The following FRAS1 variants were observed in gnomAD, a reference collection of about 807,000 sequenced individuals.
The protein encoded by FRAS1 is Fraser extracellular matrix complex subunit 1.
A neutral mutation model predicts 435.2 loss-of-function variants in FRAS1; 290 were observed. The ratio of observed to expected loss-of-function variants is 0.67; its 90% CI spans 0.61 to 0.73. The LOEUF is 0.73. Among genes scored for constraint, FRAS1 ranks in the 30% least tolerant of loss-of-function variants. The pLI is 0.00. For synonymous variants in FRAS1, 1,800 were observed against 1,851.0 expected (o/e 0.97, Z 0.71); for missense variants, 4,860 against 5,001.5 (o/e 0.97, Z 0.85).
intron 4 of FRAS1, among the ~76,000 whole-genome samples, chr4:78,248,650 C>T (rs1219872619): frequency 6.6e-6 from 1 of 152,126 alleles, no homozygotes; most frequent in Non-Finnish European, 1.5e-5. Context: ...TTATAATATG[C>T]ACTGAACATT....
chr4:78,541,393 CA>C lies in FRAS1; in HGVS notation c.*271del. On this transcript the variant is annotated 3_prime_UTR_variant, in exon 74 of 74. Transcript: ENST00000512123. Reference sequence around the variant, plus strand: ...CTTCTGTAAGGCTGGTCTTAGAAAACAAGTACTTTAGTATCAGGACAGGAGT... The same window carrying C: ...CTTCTGTAAGGCTGGTCTTAGAAAACAGTACTTTAGTATCAGGACAGGAGT... The C allele has an allele frequency of 3.4e-6, 1 of 290,568 alleles. No homozygotes were observed. Among genetic ancestry groups the C allele is most frequent in the East Asian group, 5.8e-5 (1 of 17,300 alleles). The allele number at this position is 290,568 out of a possible 1,614,324, so 18.0% of individuals were successfully genotyped here.
chr4:78,317,268 A>G lies in FRAS1; in HGVS notation c.1820-100A>G, dbSNP rs1384779894. On this transcript the variant is annotated intron_variant, in intron 16 of 73. Coordinates refer to ENST00000512123, the MANE Select transcript of FRAS1 (RefSeq NM_025074.7). ...TTCCCCTTGGTTTGGTGTGACATCC[A>G]CAGGGGACTAAGAGTCCCAGGCCCG... The G allele has an allele frequency of 3.7e-6, 5 of 1,345,344 alleles. No individual in the cohort carries two copies. In the Admixed American group the frequency reaches 5.2e-5, roughly 14 times the overall value. The allele number at this position is 1,345,344 out of a possible 1,614,324, so 83.3% of individuals were successfully genotyped here.
Position 78,369,973 on chromosome 4 carries a change from A to G in FRAS1, c.2858A>G (p.Asn953Ser), listed in dbSNP as rs761113193. Reference sequence around the variant, plus strand: ...CAGTACTATCTTGACTTCTCCACCAACACGTGCAAAGGTAAAGCTCTTCCT... The same window carrying G: ...CAGTACTATCTTGACTTCTCCACCAGCACGTGCAAAGGTAAAGCTCTTCCT... ...APQYYLDFST[N>S]TCKECDWSCS... The change falls in exon 23 of 74, where the codon AAC becomes AGC. Residue 953 changes from asparagine to serine, a missense_variant. Asn to Ser is a conservative substitution (Grantham distance 46). Transcript: ENST00000512123. 3 of 1,613,402 alleles carry G rather than the reference A, an allele frequency of 1.9e-6. No homozygotes were observed. Among genetic ancestry groups the G allele is most frequent in the East Asian group, 4.5e-5 (2 of 44,876 alleles).
At chr4:78,344,520 T>TCTGG (rs1228199465) in intron 20 of FRAS1, among the ~76,000 whole-genome samples, 3 of 150,516 alleles carry the variant, frequency 2.0e-5, no homozygotes, top group African/African-American at 7.3e-5. Context: ...GATTCCAGAG[T>TCTGG]ACTCAACCAT....
intron 20 of FRAS1, among the ~76,000 whole-genome samples, chr4:78,341,774 G>A (rs1181394221): frequency 6.6e-6 from 1 of 152,168 alleles, no homozygotes; most frequent in Non-Finnish European, 1.5e-5. Context: ...CTAGGAGGCA[G>A]TGAGGAAAAC....
chr4:78,388,341 A>AC (rs1732307970), intron 29 of FRAS1, among the ~76,000 whole-genome samples: 1 of 151,832 alleles, frequency 6.6e-6, no homozygotes, highest in African/African-American at 2.4e-5. Context: ...CAAAAAAAAA[A>AC]AAAAACAAAA....
At chr4:78,516,677 A>G (rs187621215) in intron 66 of FRAS1, among the ~76,000 whole-genome samples, 163 of 152,364 alleles carry the variant, frequency 1.1e-3, no homozygotes, top group Non-Finnish European at 1.9e-3. Flanking sequence ...ACTTATAATC[A>G]TAGTGAAAGG....
At chr4:78,178,351 T>C (rs1249187966) in intron 2 of FRAS1, among the ~76,000 whole-genome samples, 2 of 152,200 alleles carry the variant, frequency 1.3e-5, no homozygotes, top group Non-Finnish European at 2.9e-5. Context: ...CAAGATTCCA[T>C]GACATTCTAG....
intron 2 of FRAS1, among the ~76,000 whole-genome samples, chr4:78,202,584 G>A (rs992984368): frequency 6.6e-6 from 1 of 152,128 alleles, no homozygotes; most frequent in African/African-American, 2.4e-5. Flanking sequence ...CCAGCTACTC[G>A]GGAGGCTGAG....
intron 2 of FRAS1, among the ~76,000 whole-genome samples, chr4:78,201,537 C>T (rs1190843121): frequency 1.3e-5 from 2 of 152,142 alleles, no homozygotes; most frequent in East Asian, 3.8e-4. Context: ...TATGAGAGAC[C>T]TGTTGTCAAA....
chr4:78,378,076 G>A (rs759128505), intron 26 of FRAS1, among the ~76,000 whole-genome samples: 3 of 151,820 alleles, frequency 2.0e-5, no homozygotes, highest in Non-Finnish European at 2.9e-5. Context: ...GTTTCTCTCC[G>A]CTCCTGTCTC....
At chr4:78,144,205 C>A (rs1439220278) in intron 2 of FRAS1, among the ~76,000 whole-genome samples, 1 of 151,000 alleles carries the variant, frequency 6.6e-6, no homozygotes, top group African/African-American at 2.4e-5. Flanking sequence ...ATAAATGCAA[C>A]TCAGAGAAAA....
At chr4:78,399,776 C>G (rs532412120) in intron 29 of FRAS1, among the ~76,000 whole-genome samples, 1 of 152,302 alleles carries the variant, frequency 6.6e-6, no homozygotes, top group African/African-American at 2.4e-5. Context: ...CTCATAGGCC[C>G]TCATTTTCTC....
At chr4:78,206,943 C>A (rs188779277) in intron 2 of FRAS1, among the ~76,000 whole-genome samples, 9 of 152,298 alleles carry the variant, frequency 5.9e-5, no homozygotes, top group Non-Finnish European at 1.0e-4. Flanking sequence ...TGTGACCTTT[C>A]TGAAAGATTC....
intron 14 of FRAS1, among the ~76,000 whole-genome samples, chr4:78,301,846 G>GTTTTTT (rs59794614): frequency 6.7e-5 from 7 of 103,932 alleles, no homozygotes; most frequent in East Asian, 2.9e-4. Flanking sequence ...CACAGAAACA[G>GTTTTTT]TTTTTTTTTT....
intron 6 of FRAS1, among the ~76,000 whole-genome samples, chr4:78,258,680 T>C (rs1253178952): frequency 2.7e-5 from 4 of 148,934 alleles, no homozygotes; most frequent in African/African-American, 9.7e-5. Flanking sequence ...TTTTTAACTT[T>C]TATTTATTTT....
chr4:78,092,500 C>A (rs892893313), intron 2 of FRAS1, among the ~76,000 whole-genome samples: 1 of 152,156 alleles, frequency 6.6e-6, no homozygotes, highest in Non-Finnish European at 1.5e-5. Context: ...AAACCAACAG[C>A]TCTCATGAGA....
chr4:78,503,848 A>G (rs1356682288), intron 61 of FRAS1, among the ~76,000 whole-genome samples: 2 of 152,242 alleles, frequency 1.3e-5, no homozygotes, highest in African/African-American at 2.4e-5. Flanking sequence ...TCTTGTGAGC[A>G]TTTAATGCTA....
intron 22 of FRAS1, among the ~76,000 whole-genome samples, chr4:78,369,605 T>C (rs565693309): frequency 6.7e-6 from 1 of 150,358 alleles, no homozygotes; most frequent in Admixed American, 6.6e-5. Flanking sequence ...ATATGGGATT[T>C]CCATTATTGG....
Sources: gnomAD v4.1 joint callset for allele counts (sites outside exome capture counted in the v4.1 genomes callset) on GRCh38, gnomAD v4.1.1 for gene constraint, MANE v1.5 for transcripts, NCBI Gene and HGNC (gene_info 2026-07-23, HGNC 2026-07-21) for gene names.